Variants in CAAP1 observed in about 807,000 individuals in gnomAD.
CAAP1 encodes the protein conserved anti-apoptotic protein.
Under a neutral mutation model 34.0 loss-of-function variants are expected in CAAP1, and 20 were observed. The observed-to-expected ratio is 0.59, with a 90% CI of 0.41 to 0.86. CAAP1 has a LOEUF of 0.86. CAAP1 is among the 40% of genes least tolerant of loss of function. CAAP1 has a pLI of 0.00. For missense variants in CAAP1, 538 were observed against 450.5 expected, an observed-to-expected ratio of 1.19 and a Z score of -1.76; for synonymous variants, 213 against 166.7, an observed-to-expected ratio of 1.28 and a Z score of -2.14.
At chr9:26,883,408 C>G (rs1054776181) in intron 4 of CAAP1, among the ~76,000 whole-genome samples, 1 of 152,120 alleles carries the variant, frequency 6.6e-6, no homozygotes, top group African/African-American at 2.4e-5. Context: ...GTGAGGCATC[C>G]CCAGTCATGT....
Position 26,873,399 on chromosome 9 carries a change from C to G in CAAP1, c.665+11411G>C, listed in dbSNP as rs761480083. Among the ~76,000 whole-genome samples the G allele has an allele frequency of 6.9e-4, 105 of 152,278 alleles. 1 individual carries two copies. Among genetic ancestry groups the G allele is most frequent in the African/African-American group, 2.3e-3 (97 of 41,558 alleles). On this transcript the variant is annotated intron_variant, in intron 4 of 5. Transcript: ENST00000333916. ...CACTGGTATCTCCCTCAAAATCACT[C>G]AATAAAAGCACATTCATTTAAAATT...
chr9:26,852,695 C>T (rs995456147), intron 5 of CAAP1, among the ~76,000 whole-genome samples: 13 of 152,246 alleles, frequency 8.5e-5, no homozygotes, highest in Admixed American at 1.3e-4. Flanking sequence ...TAGATCAACA[C>T]AGTCCTGCTT....
At chr9:26,842,696 C>A in intron 5 of CAAP1, 49 bp from the exon 6 acceptor site, 1 of 1,430,652 alleles carries the variant, frequency 7.0e-7, no homozygotes. Flanking sequence ...TACCATGGGT[C>A]ACAATTTCCT....
At chr9:26,845,086 C>A (rs1822567518) in intron 5 of CAAP1, among the ~76,000 whole-genome samples, 1 of 152,200 alleles carries the variant, frequency 6.6e-6, no homozygotes, top group African/African-American at 2.4e-5. Flanking sequence ...AAAGTGTCAT[C>A]CTGCTACTGT....
chr9:26,890,770 C>T (rs1307245126), intron 1 of CAAP1, among the ~76,000 whole-genome samples: 1 of 152,212 alleles, frequency 6.6e-6, no homozygotes, highest in Admixed American at 6.5e-5. Context: ...ACGGTGAAAC[C>T]CCGTCTCTAC....
Position 26,842,212 on chromosome 9 carries a change from CAT to C in CAAP1, c.*87_*88del. On this transcript the variant is annotated 3_prime_UTR_variant, in exon 6 of 6. Coordinates refer to ENST00000333916, the MANE Select transcript of CAAP1 (RefSeq NM_024828.4). ...CTAATAAGGGTTACATGAGAAATAA[CAT>C]ATAAGACCCCAAATAAATTTTAGAT... The C allele has an allele frequency of 1.9e-6, 2 of 1,033,762 alleles. No individual in the cohort carries two copies. Among genetic ancestry groups the C allele is most frequent in the Non-Finnish European group, 1.4e-6 (1 of 721,186 alleles). 64.0% of individuals were successfully genotyped at this position (1,033,762 alleles called of 1,614,324 possible).
At chr9:26,865,566 A>G (rs1184737991) in intron 4 of CAAP1, among the ~76,000 whole-genome samples, 2 of 151,852 alleles carry the variant, frequency 1.3e-5, no homozygotes, top group African/African-American at 4.9e-5. Context: ...TTTGTGTAGC[A>G]TAAAAGGAAT....
intron 5 of CAAP1, among the ~76,000 whole-genome samples, chr9:26,851,088 G>A (rs1318376009): frequency 6.6e-6 from 1 of 152,158 alleles, no homozygotes; most frequent in African/African-American, 2.4e-5. Flanking sequence ...TGATGGTGCT[G>A]CAAAGGCCTT....
At chr9:26,847,196 A>ATTTTTT (rs79235459) in intron 5 of CAAP1, among the ~76,000 whole-genome samples, 1 of 62,996 alleles carries the variant, frequency 1.6e-5, no homozygotes, top group Non-Finnish European at 3.6e-5. Flanking sequence ...GTAAAAAGCA[A>ATTTTTT]TATTTTTTTT....
intron 4 of CAAP1, among the ~76,000 whole-genome samples, chr9:26,881,538 G>A (rs1039196932): frequency 4.6e-5 from 7 of 152,272 alleles, no homozygotes; most frequent in South Asian, 2.1e-4. Context: ...TCTTGCTGCC[G>A]CCATATAAGA....
intron 5 of CAAP1, among the ~76,000 whole-genome samples, chr9:26,859,381 C>T (rs1264835079): frequency 6.6e-6 from 1 of 152,194 alleles, no homozygotes; most frequent in Non-Finnish European, 1.5e-5. Context: ...AACAGAAAAA[C>T]ATCTTCTCTT....
At position 26,858,599 on chromosome 9, in the gene CAAP1, G is replaced by C. The variant is rs570509382; in HGVS notation, c.739+2467C>G. 2.8e-3 allele frequency among the ~76,000 whole-genome samples: 422 copies of C among 152,214 alleles called. 2 individuals are homozygous for C. Among genetic ancestry groups the C allele is most frequent in the Non-Finnish European group, 4.1e-3 (279 of 68,008 alleles). Reference sequence around the variant, plus strand: ...GCACTTTGGGAGGCTAAGGCAGGCAGATCACGAGGTCAGGAGATCAAGACC... The same window carrying C: ...GCACTTTGGGAGGCTAAGGCAGGCACATCACGAGGTCAGGAGATCAAGACC... On this transcript the variant is annotated intron_variant, in intron 5 of 5. Transcript: ENST00000333916.
intron 4 of CAAP1, among the ~76,000 whole-genome samples, chr9:26,863,728 G>A (rs1467889881): frequency 1.4e-5 from 2 of 147,234 alleles, no homozygotes; most frequent in African/African-American, 2.5e-5. Context: ...GCCAGTTTGG[G>A]TTAAGAATTT....
In CAAP1 at chr9:26,886,085, T is replaced by G; in HGVS notation, c.589+19A>C. The G allele has an allele frequency of 1.5e-6, 2 of 1,358,338 alleles. No homozygotes were observed. Among genetic ancestry groups the G allele is most frequent in the Non-Finnish European group, 2.0e-6 (2 of 991,626 alleles). The allele number at this position is 1,358,338 out of a possible 1,614,324, so 84.1% of individuals were successfully genotyped here. On this transcript the variant is annotated intron_variant, in intron 3 of 5. Coordinates refer to ENST00000333916, the MANE Select transcript of CAAP1 (RefSeq NM_024828.4). ...TATTAACTAAGAAGTTGCCAGAATGTAAAAATATGTATTCTTACCCTCAAG... is the reference window on the plus strand; with the variant it reads ...TATTAACTAAGAAGTTGCCAGAATGGAAAAATATGTATTCTTACCCTCAAG...
chr9:26,890,159 C>A (rs1823864876), intron 1 of CAAP1, among the ~76,000 whole-genome samples: 1 of 151,926 alleles, frequency 6.6e-6, no homozygotes, highest in African/African-American at 2.4e-5. Flanking sequence ...CACCTGAGGT[C>A]AGGAGTTGGA....
intron 1 of CAAP1, chr9:26,892,172 T>C: frequency 1.7e-6 from 2 of 1,179,328 alleles, no homozygotes; most frequent in Admixed American, 3.0e-5. Context: ...GCCAAGAGTT[T>C]AAAAAATAAA....
At chr9:26,843,528 G>A (rs2131291019) in intron 5 of CAAP1, among the ~76,000 whole-genome samples, 1 of 150,638 alleles carries the variant, frequency 6.6e-6, no homozygotes. Flanking sequence ...GGGTACATGT[G>A]CACAATGTGC....
intron 5 of CAAP1, among the ~76,000 whole-genome samples, chr9:26,851,380 T>A (rs1413841085): frequency 6.6e-6 from 1 of 152,106 alleles, no homozygotes; most frequent in African/African-American, 2.4e-5. Context: ...ATGCTACATG[T>A]AAAGCTCAGT....
At chr9:26,863,772 T>TAAAAAAA (rs57763346) in intron 4 of CAAP1, among the ~76,000 whole-genome samples, 1 of 111,994 alleles carries the variant, frequency 8.9e-6, no homozygotes. Context: ...CCGTTTAAAT[T>TAAAAAAA]AAAAAAAAAA....
Sources: allele counts gnomAD v4.1 joint callset (sites outside exome capture counted in the v4.1 genomes callset), GRCh38; gene constraint gnomAD v4.1.1; transcripts MANE v1.5; gene names NCBI Gene and HGNC (gene_info 2026-07-23, HGNC 2026-07-21).